The following BIRC6 variants were observed in gnomAD, a reference collection of about 807,000 sequenced individuals.
The protein encoded by BIRC6 is baculoviral IAP repeat containing 6, also known as dual E2 ubiquitin-conjugating enzyme/E3 ubiquitin-protein ligase BIRC6.
A neutral mutation model predicts 503.3 loss-of-function variants in BIRC6; 98 were observed. The observed-to-expected ratio is 0.19, with a 90% CI of 0.17 to 0.23. The LOEUF is 0.23. BIRC6 is among the 10% of genes least tolerant of loss of function. The pLI, the probability that BIRC6 is intolerant of heterozygous loss-of-function variation, is 1.00. For missense variants in BIRC6, 5,360 were observed against 5,806.0 expected (o/e 0.92, Z 2.50); for synonymous variants, 2,240 against 2,078.7 (o/e 1.08, Z -2.11).
At chr2:32,510,473 C>T (rs2054280192) in intron 52 of BIRC6, 53 bp from the exon 53 acceptor site, 4 of 1,031,790 alleles carry the variant, frequency 3.9e-6, no homozygotes, top group Non-Finnish European at 6.0e-6. Flanking sequence ...TAAATCTTCC[C>T]ATGGTTAACT....
At chr2:32,615,458 T>C (rs2063169790) in intron 73 of BIRC6, among the ~76,000 whole-genome samples, 1 of 152,164 alleles carries the variant, frequency 6.6e-6, no homozygotes, top group Admixed American at 6.5e-5. Context: ...TTATGTGTCT[T>C]ATAATTTCAG....
At chr2:32,499,066 A>G (rs1163181970) in intron 45 of BIRC6, among the ~76,000 whole-genome samples, 3 of 152,186 alleles carry the variant, frequency 2.0e-5, no homozygotes, top group African/African-American at 7.2e-5. Flanking sequence ...TAGACTTTTC[A>G]GCATTCTATA....
chr2:32,476,388 G>A lies in BIRC6; in HGVS notation c.6852+44G>A, dbSNP rs1283620607. The A allele has an allele frequency of 2.0e-6, 3 of 1,519,628 alleles. No homozygotes were observed. The South Asian group carries it at 3.9e-5, about 20-fold the overall frequency. The allele number at this position is 1,519,628 out of a possible 1,614,324, so 94.1% of individuals were successfully genotyped here. A position where few individuals can be genotyped will look rare whatever the true frequency, so the allele number is the denominator to read the frequency against. On this transcript the variant is annotated intron_variant, in intron 34 of 73. Coordinates refer to ENST00000421745, the MANE Select transcript of BIRC6 (RefSeq NM_016252.4). ...AATATAGTTATCTCAGAAAAGTCAA[G>A]GAGTTATGATCTTTAATTACGATCG...
chr2:32,504,034 TTGTGTGTGTGTGTGTGTGTGTGTGTG>T (rs556051105), intron 49 of BIRC6, among the ~76,000 whole-genome samples: 5 of 78,228 alleles, frequency 6.4e-5, no homozygotes, highest in Non-Finnish European at 7.0e-5. Flanking sequence ...GGGGGGGTGT[TTGTGTGTGTGTGTGTGTGTGTGTGTG>T]TGTGTGTGTG....
At chr2:32,605,739 C>A (rs547826851) in intron 71 of BIRC6, among the ~76,000 whole-genome samples, 94 of 152,140 alleles carry the variant, frequency 6.2e-4, no homozygotes, top group African/African-American at 2.1e-3. Context: ...GCACCTGTAA[C>A]CCCAGCTACT....
chr2:32,480,673 C>CTCTT (rs1380915892), intron 37 of BIRC6, among the ~76,000 whole-genome samples: 1 of 92,896 alleles, frequency 1.1e-5, no homozygotes, highest in Non-Finnish European at 2.0e-5. Flanking sequence ...CGGAGTCTTG[C>CTCTT]TCTTGTCACC....
chr2:32,405,207 A>G (rs2041060922), intron 8 of BIRC6, among the ~76,000 whole-genome samples: 1 of 152,130 alleles, frequency 6.6e-6, no homozygotes, highest in South Asian at 2.1e-4. Flanking sequence ...ATAATTCCCA[A>G]TTATTAATAT....
chr2:32,501,120 TAATACATTAC>T (rs1326657521), intron 46 of BIRC6, among the ~76,000 whole-genome samples: 5 of 152,252 alleles, frequency 3.3e-5, no homozygotes, highest in Admixed American at 6.5e-5. Flanking sequence ...CTTGGAATGT[TAATACATTAC>T]ATTAAATTTT....
At chr2:32,417,401 C>T (rs1345401924) in intron 10 of BIRC6, among the ~76,000 whole-genome samples, 1 of 152,204 alleles carries the variant, frequency 6.6e-6, no homozygotes, top group Non-Finnish European at 1.5e-5. Flanking sequence ...GCCCCGGCCT[C>T]CCAAAGTGCT....
chr2:32,555,913 TC>T (rs2058741114), intron 65 of BIRC6, among the ~76,000 whole-genome samples: 1 of 84,254 alleles, frequency 1.2e-5, no homozygotes, highest in Non-Finnish European at 2.3e-5. Flanking sequence ...AGACCCTATC[TC>T]AAAAAAAAAA....
At chr2:32,541,041 ATTTTGCTGTCT>A (rs1015796351) in intron 61 of BIRC6, among the ~76,000 whole-genome samples, 2 of 151,938 alleles carry the variant, frequency 1.3e-5, no homozygotes, top group Non-Finnish European at 2.9e-5. Context: ...GAGCTCTTTG[ATTTTGCTGTCT>A]TTTTGCTTTC....
At chr2:32,507,340 G>T (rs867789748) in intron 50 of BIRC6, among the ~76,000 whole-genome samples, 38 of 152,290 alleles carry the variant, frequency 2.5e-4, no homozygotes, top group Middle Eastern at 3.4e-3. Flanking sequence ...TACGGCAGGA[G>T]AATCACTTGA....
intron 65 of BIRC6, among the ~76,000 whole-genome samples, chr2:32,562,785 T>C (rs1164024579): frequency 6.6e-6 from 1 of 152,226 alleles, no homozygotes; most frequent in Non-Finnish European, 1.5e-5. Flanking sequence ...CTTCCTTTTT[T>C]ATCGCTGAAA....
rs1319439135 is a variant in BIRC6 at position 32,380,209 on chromosome 2, T to C, written c.564T>C (p.Gly188=). The C allele has an allele frequency of 3.1e-6, 5 of 1,607,744 alleles. No individual in the cohort carries two copies. The East Asian group carries it at 1.1e-4, about 36-fold the overall frequency. Residue 188 remains glycine (G), a synonymous_variant, in exon 3 of 74, where the codon GGT becomes GGC. Coordinates refer to ENST00000421745, the MANE Select transcript of BIRC6 (RefSeq NM_016252.4). The stretch of plus-strand genomic sequence containing the variant: ...AGGTAGATATTTCTAGTACAGAGGG[T>C]TATGATTTGTTCATCACACAGCTCA... The part of the protein sequence containing the change: ...LEKVDISSTE[G]YDLFITQLKD...
chr2:32,597,861 G>C lies in BIRC6; in HGVS notation c.13723G>C (p.Ala4575Pro), dbSNP rs755944619. ...TAATGATGCGAACAGTGCTGCCAGA[G>C]CTCGCCGCCTTGCCCAGGAAGCTGT... Reference protein sequence around the residue: ...NANDANSAARARRLAQEAVTL... With the variant: ...NANDANSAARPRRLAQEAVTL... The change falls in exon 69 of 74, where the codon GCT (alanine) becomes CCT (proline). Residue 4575 changes from alanine to proline, a missense_variant. By Grantham distance (27) the Ala-to-Pro change is conservative (BLOSUM62 -1). This residue lies in a region of BIRC6 where 477 missense variants were observed against 574.4 expected (regional missense o/e 0.83). Transcript: ENST00000421745. 7.4e-6 allele frequency: 12 copies of C among 1,613,846 alleles called. No individual in the cohort carries two copies. The highest frequency in any genetic ancestry group is 1.0e-5 in the Non-Finnish European group (12 of 1,179,818).
intron 53 of BIRC6, among the ~76,000 whole-genome samples, chr2:32,512,193 T>G (rs1009245534): frequency 6.6e-6 from 1 of 152,246 alleles, no homozygotes; most frequent in African/African-American, 2.4e-5. Context: ...AAGTCTTATC[T>G]TTCAGAATTA....
chr2:32,569,293 GTTATTC>G (rs1291485684), intron 65 of BIRC6, among the ~76,000 whole-genome samples: 1 of 151,832 alleles, frequency 6.6e-6, no homozygotes, highest in East Asian at 1.9e-4. Context: ...TTGGCCTGTA[GTTATTC>G]TTATAGAGAC....
intron 10 of BIRC6, among the ~76,000 whole-genome samples, chr2:32,417,924 T>A (rs1309594054): frequency 6.6e-6 from 1 of 152,088 alleles, no homozygotes; most frequent in Non-Finnish European, 1.5e-5. Flanking sequence ...GGACCACAGG[T>A]GCGCGTCACC....
At chr2:32,464,229 G>A (rs2048294945) in intron 24 of BIRC6, among the ~76,000 whole-genome samples, 1 of 152,128 alleles carries the variant, frequency 6.6e-6, no homozygotes, top group Non-Finnish European at 1.5e-5. Flanking sequence ...TTTGTTTTGA[G>A]CAGATATTCC....
Sources: allele counts gnomAD v4.1 joint callset (sites outside exome capture counted in the v4.1 genomes callset), GRCh38; gene constraint gnomAD v4.1.1; regional missense constraint gnomAD v4.1.1; transcripts MANE v1.5; gene names NCBI Gene and HGNC (gene_info 2026-07-23, HGNC 2026-07-21).